The following ATP9B variants were observed in gnomAD, a reference collection of about 807,000 sequenced individuals.
The protein encoded by ATP9B is ATPase phospholipid transporting 9B, also known as probable phospholipid-transporting ATPase IIB.
ATP9B carries 110 observed loss-of-function variants against 146.1 expected under a neutral mutation model. The observed-to-expected ratio is 0.75, with a 90% CI of 0.65 to 0.88. The LOEUF (loss-of-function observed/expected upper bound fraction) is 0.88. ATP9B is among the 40% of genes least tolerant of loss of function. The probability of loss-of-function intolerance (pLI) is 0.00; values close to 1 mark genes in which losing one functional copy is unlikely to be tolerated. For synonymous variants in ATP9B, 604 were observed against 569.7 expected, an observed-to-expected ratio of 1.06 and a Z score of -0.86; for missense variants, 1,499 against 1,496.4, an observed-to-expected ratio of 1.00 and a Z score of -0.03.
intron 7 of ATP9B, among the ~76,000 whole-genome samples, chr18:79,159,372 C>T (rs1418847352): frequency 6.6e-6 from 1 of 152,164 alleles, no homozygotes; most frequent in Non-Finnish European, 1.5e-5. Context: ...AGCCCTACAT[C>T]AGTCTCTCCA....
At chr18:79,336,522 C>T in intron 17 of ATP9B, 106 bp from the exon 18 acceptor site, 1 of 981,474 alleles carries the variant, frequency 1.0e-6, no homozygotes, top group Non-Finnish European at 1.6e-6. Flanking sequence ...GGGCACAGGA[C>T]ATGAGGGCAG....
chr18:79,347,951 C>G, intron 24 of ATP9B, 26 bp downstream of exon 24: 1 of 1,609,498 alleles, frequency 6.2e-7, no homozygotes, highest in Non-Finnish European at 8.5e-7. Context: ...TGCTGGCACC[C>G]ATGGAGGGCA....
intron 1 of ATP9B, among the ~76,000 whole-genome samples, chr18:79,092,941 G>A (rs1259067887): frequency 6.6e-6 from 1 of 152,140 alleles, no homozygotes; most frequent in Non-Finnish European, 1.5e-5. Context: ...ATAGTCATTA[G>A]TTATGATTGT....
At chr18:79,139,728 G>T (rs62101119) in intron 5 of ATP9B, among the ~76,000 whole-genome samples, 15 of 152,004 alleles carry the variant, frequency 9.9e-5, no homozygotes, top group Non-Finnish European at 1.8e-4. Flanking sequence ...AAGTATTTTT[G>T]ACTGTAGTCA....
rs371374115 is a variant in ATP9B, at chr18:79,214,158, A to G, written c.1107+120A>G. The G allele has an allele frequency of 8.0e-5, 44 of 551,852 alleles. No individual in the cohort carries two copies. The South Asian group carries it at 1.5e-3, about 18-fold the overall frequency. The allele number at this position is 551,852 out of a possible 1,614,324, so 34.2% of individuals were successfully genotyped here. ...AACATATATCTTAAAGTAGACTTTC[A>G]AAAATGTTGGTGACTTACAATATGA... On this transcript the variant is annotated intron_variant, in intron 11 of 29. Coordinates refer to ENST00000426216, the MANE Select transcript of ATP9B (RefSeq NM_198531.5).
intron 7 of ATP9B, among the ~76,000 whole-genome samples, chr18:79,160,252 T>C (rs935556665): frequency 6.6e-6 from 1 of 152,248 alleles, no homozygotes; most frequent in Non-Finnish European, 1.5e-5. Flanking sequence ...GTTTAGTGTT[T>C]TTGTTGAATA....
At position 79,258,965 on chromosome 18, in the gene ATP9B, G is replaced by A. The variant is rs142699294; in HGVS notation, c.1268+5424G>A. On this transcript the variant is annotated intron_variant, in intron 12 of 29. Transcript: ENST00000426216. ...AAAATATGAATAATGATACATTCTA[G>A]TATTTGCTAAATATGCTTTTGGATT... is the stretch of plus-strand genomic sequence containing the variant. Among the ~76,000 whole-genome samples, 123 of 152,302 alleles carry A rather than the reference G, an allele frequency of 8.1e-4. 1 individual carries two copies. Among genetic ancestry groups the A allele is most frequent in the African/African-American group, 2.8e-3 (115 of 41,578 alleles).
chr18:79,217,974 G>A (rs79495788), intron 11 of ATP9B, among the ~76,000 whole-genome samples: 5,677 of 152,316 alleles, frequency 0.037, 154 homozygotes, highest in South Asian at 0.076. Flanking sequence ...TTGATACATT[G>A]GAGTTCGTCG....
intron 2 of ATP9B, among the ~76,000 whole-genome samples, chr18:79,099,151 G>A (rs1395300013): frequency 6.6e-6 from 1 of 152,046 alleles, no homozygotes; most frequent in Non-Finnish European, 1.5e-5. Flanking sequence ...TCTAAAAATA[G>A]GTGCATTTAA....
At chr18:79,205,824 A>C (rs372806199) in intron 9 of ATP9B, among the ~76,000 whole-genome samples, 4 of 152,296 alleles carry the variant, frequency 2.6e-5, no homozygotes, top group Non-Finnish European at 2.9e-5. Context: ...TAGACTGTAC[A>C]TATTGCTGTC....
intron 13 of ATP9B, among the ~76,000 whole-genome samples, chr18:79,290,171 G>T (rs1263573290): frequency 6.6e-6 from 1 of 152,218 alleles, no homozygotes; most frequent in Non-Finnish European, 1.5e-5. Context: ...ATTTAAGTCT[G>T]CAGAGGTTAC....
At position 79,344,274 on chromosome 18, in the gene ATP9B, C is replaced by T; in HGVS notation, c.2392C>T (p.Arg798Trp). The change falls in exon 21 of 30, where the codon CGG (arginine) becomes TGG (tryptophan). Residue 798 changes from arginine to tryptophan, a missense_variant. By Grantham distance (101) the Arg-to-Trp change is moderately radical (BLOSUM62 -3). Transcript: ENST00000426216. ...TTCTCCCTTAATGGAGGTAACCAGT[C>T]GGGGAGAGGCACATTTGGAGCTGAA... ...DIHIFRQVTSRGEAHLELNAF... is the reference protein window; with the variant it reads ...DIHIFRQVTSWGEAHLELNAF... The T allele has an allele frequency of 6.2e-7, 1 of 1,614,068 alleles. No homozygotes were observed. Among genetic ancestry groups the T allele is most frequent in the Non-Finnish European group, 8.5e-7 (1 of 1,179,952 alleles).
At chr18:79,096,342 C>A in intron 1 of ATP9B, 134 bp from the exon 2 acceptor site, 1 of 800,320 alleles carries the variant, frequency 1.2e-6, no homozygotes, top group South Asian at 2.0e-5. Flanking sequence ...AAGAAAGCAG[C>A]CTCTGCAGTC....
At chr18:79,097,018 C>T (rs942710192) in intron 2 of ATP9B, among the ~76,000 whole-genome samples, 5 of 151,670 alleles carry the variant, frequency 3.3e-5, no homozygotes, top group Non-Finnish European at 7.4e-5. Context: ...ATTAGCTGGG[C>T]GAGATTGTGA....
chr18:79,377,696 C>T lies in ATP9B; in HGVS notation c.*313C>T, dbSNP rs1285885552. On this transcript the variant is annotated 3_prime_UTR_variant, in exon 30 of 30. Transcript: ENST00000426216. ...CAGCCTCTCCCTCTCAGTGCAGGGA[C>T]GTCACCCCTGCCAGGCAAGCCCAGG... 1.2e-5 allele frequency: 4 copies of T among 334,556 alleles called. No homozygotes were observed. The highest frequency in any genetic ancestry group is 6.3e-5 in the African/African-American group (3 of 47,730). 20.7% of individuals were successfully genotyped at this position (334,556 alleles called of 1,614,324 possible).
intron 7 of ATP9B, among the ~76,000 whole-genome samples, chr18:79,157,410 A>AAAAAAACAAAAC (rs1600014727): frequency 6.9e-6 from 1 of 145,896 alleles, no homozygotes. Flanking sequence ...AAAAAAAAAA[A>AAAAAAACAAAAC]AAAAAAAAAA....
At chr18:79,367,876 T>A (rs971352247) in intron 26 of ATP9B, among the ~76,000 whole-genome samples, 1 of 152,172 alleles carries the variant, frequency 6.6e-6, no homozygotes, top group African/African-American at 2.4e-5. Flanking sequence ...AGCAGCCAGG[T>A]CATTAAGGAC....
chr18:79,361,065 TGC>T (rs1311207494), intron 26 of ATP9B: 2 of 152,210 alleles, frequency 1.3e-5, no homozygotes, highest in East Asian at 3.8e-4. Flanking sequence ...TAAACCTCGA[TGC>T]GCTACCCTCA....
At chr18:79,343,181 G>A (rs2147417004) in intron 20 of ATP9B, among the ~76,000 whole-genome samples, 1 of 152,208 alleles carries the variant, frequency 6.6e-6, no homozygotes. Flanking sequence ...AGGCCCTGAA[G>A]ACTACTATTT....
Sources: gnomAD v4.1 joint callset for allele counts (sites outside exome capture counted in the v4.1 genomes callset) on GRCh38, gnomAD v4.1.1 for gene constraint, MANE v1.5 for transcripts, NCBI Gene and HGNC (gene_info 2026-07-23, HGNC 2026-07-21) for gene names.